The following GPBP1L1 variants were observed in gnomAD, a reference collection of about 807,000 sequenced individuals.
The protein encoded by GPBP1L1 is GC-rich promoter binding protein 1 like 1.
GPBP1L1 carries 23 observed loss-of-function variants against 52.5 expected under a neutral mutation model. The ratio of observed to expected loss-of-function variants is 0.44; its 90% CI spans 0.32 to 0.62. The LOEUF (loss-of-function observed/expected upper bound fraction) is 0.62, where lower values mean the gene tolerates loss of function less well. Ranked by LOEUF, GPBP1L1 falls within the 20% of genes least tolerant of loss-of-function variation. The pLI, the probability that GPBP1L1 is intolerant of heterozygous loss-of-function variation, is 0.06. For synonymous variants in GPBP1L1, 243 were observed against 203.1 expected (o/e 1.20, Z -1.67); for missense variants, 596 against 579.3 (o/e 1.03, Z -0.30).
intron 2 of GPBP1L1, among the ~76,000 whole-genome samples, chr1:45,669,725 T>C (rs1334519187): frequency 6.6e-6 from 1 of 151,946 alleles, no homozygotes; most frequent in African/African-American, 2.4e-5. Context: ...AGAAAAAGAA[T>C]GTAGTTCTCA....
chr1:45,663,295 G>C (rs1188248817), intron 2 of GPBP1L1, among the ~76,000 whole-genome samples: 1 of 152,076 alleles, frequency 6.6e-6, no homozygotes, highest in East Asian at 1.9e-4. Flanking sequence ...AGGGTATAAA[G>C]CTGTTGGACA....
intron 6 of GPBP1L1, among the ~76,000 whole-genome samples, chr1:45,653,020 T>C (rs1312287591): frequency 6.6e-6 from 1 of 152,236 alleles, no homozygotes; most frequent in Non-Finnish European, 1.5e-5. Flanking sequence ...TGGACAAATA[T>C]TCAATATGTA....
Position 45,628,319 on chromosome 1 carries a change from C to T in GPBP1L1, c.1362G>A (p.Glu454=). ...TGGTTTCGGTGTCTGAGTCCTCAAA[C>T]TCTGCTTTGCAAGTGCTTCTCCAAG... ...FSPWRSTCKA[E]FEDSDTETSS... The change falls in exon 13 of 13, where the codon GAG becomes GAA. Residue 454 remains glutamate, a synonymous_variant. Transcript: ENST00000355105. 1 of 1,614,202 alleles carries T rather than the reference C, an allele frequency of 6.2e-7. No homozygotes were observed. The highest frequency in any genetic ancestry group is 1.6e-4 in the Middle Eastern group (1 of 6,062).
chr1:45,658,317 T>G (rs1390562310), intron 4 of GPBP1L1, among the ~76,000 whole-genome samples: 3 of 152,182 alleles, frequency 2.0e-5, no homozygotes, highest in Non-Finnish European at 4.4e-5. Flanking sequence ...CAAAGGTCTG[T>G]TTACCCAAGT....
rs936386827 is a variant in GPBP1L1, at chr1:45,660,292, G to A, written c.-164C>T. ...GCTTAAGTAACCTGGCCGGCAGCACGACTTATGATGAAGCACGAAGAAGCC... is the reference window on the plus strand; with the variant it reads ...GCTTAAGTAACCTGGCCGGCAGCACAACTTATGATGAAGCACGAAGAAGCC... On this transcript the variant is annotated 5_prime_UTR_variant, in exon 3 of 13. Coordinates refer to ENST00000355105, the MANE Select transcript of GPBP1L1 (RefSeq NM_021639.5). 1.2e-5 allele frequency: 12 copies of A among 985,128 alleles called. No homozygotes were observed. The highest frequency in any genetic ancestry group is 5.2e-4 in the Middle Eastern group (1 of 1,936). 61.0% of individuals were successfully genotyped at this position (985,128 alleles called of 1,614,324 possible).
At chr1:45,679,891 CA>C (rs61208985) in intron 2 of GPBP1L1, among the ~76,000 whole-genome samples, 20,881 of 88,082 alleles carry the variant, frequency 0.24, 1,993 homozygotes, top group African/African-American at 0.28. Context: ...CTTATCTATA[CA>C]AAAAAAAAAA....
chr1:45,645,401 A>C (rs1324109500), intron 6 of GPBP1L1, among the ~76,000 whole-genome samples: 2 of 152,214 alleles, frequency 1.3e-5, no homozygotes, highest in Non-Finnish European at 2.9e-5. Flanking sequence ...ATTTCCTCCT[A>C]CAAGAATCCT....
intron 6 of GPBP1L1, chr1:45,651,186 ACCT>A: frequency 2.1e-6 from 1 of 472,222 alleles, no homozygotes; most frequent in South Asian, 1.6e-5. Flanking sequence ...GCTTAGACAA[ACCT>A]CCTTTGTCTT....
intron 7 of GPBP1L1, among the ~76,000 whole-genome samples, chr1:45,642,115 G>A (rs1269076643): frequency 1.3e-5 from 2 of 152,186 alleles, no homozygotes; most frequent in Non-Finnish European, 2.9e-5. Flanking sequence ...TACAGCCTGG[G>A]CAACAGAATG....
chr1:45,643,540 C>T (rs952414872), intron 6 of GPBP1L1, among the ~76,000 whole-genome samples: 4 of 150,642 alleles, frequency 2.7e-5, no homozygotes, highest in Non-Finnish European at 5.9e-5. Flanking sequence ...AAGTAGAGAA[C>T]GAGATAAGGG....
intron 6 of GPBP1L1, 102 bp downstream of exon 6, chr1:45,654,441 C>T: frequency 3.5e-6 from 4 of 1,151,970 alleles, no homozygotes; most frequent in Non-Finnish European, 3.6e-6. Context: ...CTTACAAATT[C>T]CTTTTTCTGT....
chr1:45,648,664 T>A (rs1289624883), intron 6 of GPBP1L1, among the ~76,000 whole-genome samples: 1 of 152,240 alleles, frequency 6.6e-6, no homozygotes, highest in African/African-American at 2.4e-5. Flanking sequence ...TGCTTTGACG[T>A]AGATGGCATC....
Position 45,686,511 on chromosome 1 carries a change from A to G in GPBP1L1, c.-1242T>C, listed in dbSNP as rs1645288567. ...GAGGCGGCTAGTCCACAACCATAAC[A>G]AAGCTCTTCCCAAAATGGCTGCCCG... On this transcript the variant is annotated 5_prime_UTR_variant, in exon 1 of 13. Transcript: ENST00000355105. The G allele has an allele frequency of 6.6e-6, 1 of 152,478 alleles. No individual in the cohort carries two copies. Among genetic ancestry groups the G allele is most frequent in the Non-Finnish European group, 1.5e-5 (1 of 68,256 alleles). 9.4% of individuals were successfully genotyped at this position (152,478 alleles called of 1,614,324 possible).
rs1644997795 is a variant in GPBP1L1, at chr1:45,665,427, G to C, written c.-1097-4202C>G. 3.3e-5 allele frequency among the ~76,000 whole-genome samples: 5 copies of C among 152,014 alleles called. No homozygotes were observed. The South Asian group carries it at 1.0e-3, about 32-fold the overall frequency. ...TTTGGTAGACAACATTTAAAGTTTG[G>C]GAATAGGTGAAATCCAAGGAGAACA... On this transcript the variant is annotated intron_variant, in intron 2 of 12. Coordinates refer to ENST00000355105, the MANE Select transcript of GPBP1L1 (RefSeq NM_021639.5).
At chr1:45,656,971 C>T (rs903019341) in intron 4 of GPBP1L1, among the ~76,000 whole-genome samples, 2 of 152,298 alleles carry the variant, frequency 1.3e-5, no homozygotes, top group East Asian at 1.9e-4. Context: ...CAGGCATGAG[C>T]CACTGAGCCC....
chr1:45,685,148 A>C lies in GPBP1L1; in HGVS notation c.-1098+428T>G, dbSNP rs143699870. ...TACTCCATACCTAAAGTATGTTTTC[A>C]CTTGTTAAAATGTCTTACACTATTC... On this transcript the variant is annotated intron_variant, in intron 2 of 12. Transcript: ENST00000355105. Among the ~76,000 whole-genome samples the C allele has an allele frequency of 5.0e-4, 76 of 152,246 alleles. No individual in the cohort carries two copies. The East Asian group carries it at 0.013, about 25-fold the overall frequency.
In GPBP1L1 at chr1:45,654,605, C is replaced by T; in HGVS notation, c.415G>A (p.Glu139Lys). 1 of 1,614,182 alleles carries T rather than the reference C, an allele frequency of 6.2e-7. No homozygotes were observed. The highest frequency in any genetic ancestry group is 8.5e-7 in the Non-Finnish European group (1 of 1,180,030). ...GCAFQEKPPMEIREEKKEDKV... is the reference protein window; with the variant it reads ...GCAFQEKPPMKIREEKKEDKV... ...TCTTCTTTCTTTTCTTCCCTAATCTCCATAGGTGGCTTTTCCTGAAAAGCA... is the reference window on the plus strand; with the variant it reads ...TCTTCTTTCTTTTCTTCCCTAATCTTCATAGGTGGCTTTTCCTGAAAAGCA... The change falls in exon 6 of 13, where the codon GAG becomes AAG. Residue 139 changes from glutamate (E) to lysine (K), a missense_variant. Coordinates refer to ENST00000355105, the MANE Select transcript of GPBP1L1 (RefSeq NM_021639.5).
chr1:45,648,133 T>C (rs1051047111), intron 6 of GPBP1L1, among the ~76,000 whole-genome samples: 2 of 151,984 alleles, frequency 1.3e-5, no homozygotes, highest in African/African-American at 4.8e-5. Flanking sequence ...GAGACAAAAG[T>C]TTCACCACGT....
At chr1:45,686,756 C>T (rs1332551564), upstream of GPBP1L1, 2 of 152,402 alleles carry the variant, frequency 1.3e-5, no homozygotes, top group East Asian at 3.8e-4. Context: ...CGGCTCCCTT[C>T]TTCGCCGCTT....
Sources: allele counts gnomAD v4.1 joint callset (sites outside exome capture counted in the v4.1 genomes callset), GRCh38; gene constraint gnomAD v4.1.1; transcripts MANE v1.5; gene names NCBI Gene and HGNC (gene_info 2026-07-23, HGNC 2026-07-21).